The following RERE variants were observed in gnomAD, a reference collection of about 807,000 sequenced individuals.
The protein encoded by RERE is arginine-glutamic acid dipeptide repeats protein.
In RERE, 40 loss-of-function variants were observed where a neutral mutation model predicts 146.1. That is an observed-to-expected ratio of 0.27 (90% confidence interval 0.21 to 0.36). The LOEUF (loss-of-function observed/expected upper bound fraction) is 0.36, where lower values mean the gene tolerates loss of function less well. RERE is among the 10% of genes least tolerant of loss of function. The pLI is 1.00. For missense variants in RERE, 1,933 were observed against 2,138.7 expected (o/e 0.90, Z 1.90); for synonymous variants, 1,003 against 866.0 (o/e 1.16, Z -2.78).
intron 4 of RERE, among the ~76,000 whole-genome samples, chr1:8,575,554 TATATA>T (rs1293197596): frequency 0.11 from 9,003 of 83,366 alleles, 420 homozygotes; most frequent in Middle Eastern, 0.2. Context: ...TATATATATA[TATATA>T]TATTTTTTTT....
chr1:8,712,232 G>A (rs1407001752), intron 1 of RERE, among the ~76,000 whole-genome samples: 1 of 152,236 alleles, frequency 6.6e-6, no homozygotes, highest in Non-Finnish European at 1.5e-5. Context: ...GGGATTAGAA[G>A]TGAGTGAGAC....
intron 7 of RERE, among the ~76,000 whole-genome samples, chr1:8,516,667 C>G (rs1447329429): frequency 6.6e-6 from 1 of 152,182 alleles, no homozygotes; most frequent in Non-Finnish European, 1.5e-5. Flanking sequence ...CTCTCAATCA[C>G]ACTCCCATAT....
intron 1 of RERE, among the ~76,000 whole-genome samples, chr1:8,697,397 T>C (rs1307529134): frequency 2.4e-5 from 2 of 83,482 alleles, no homozygotes; most frequent in Non-Finnish European, 4.2e-5. Context: ...CCCACACAAC[T>C]TTTTTTTTTT....
At chr1:8,523,820 C>T (rs188373186) in intron 7 of RERE, among the ~76,000 whole-genome samples, 2 of 152,352 alleles carry the variant, frequency 1.3e-5, no homozygotes, top group East Asian at 3.9e-4. Flanking sequence ...CCCACACAGG[C>T]CAGCCACACC....
At chr1:8,455,332 T>TGG (rs1644441689) in intron 11 of RERE, among the ~76,000 whole-genome samples, 1 of 152,106 alleles carries the variant, frequency 6.6e-6, no homozygotes, top group South Asian at 2.1e-4. Context: ...ATTCCTGAAC[T>TGG]GGGGGAACAG....
At chr1:8,447,262 T>G (rs1644334731) in intron 11 of RERE, among the ~76,000 whole-genome samples, 1 of 152,024 alleles carries the variant, frequency 6.6e-6, no homozygotes, top group South Asian at 2.1e-4. Flanking sequence ...TCGGAGGAGT[T>G]TGTTATTACC....
At chr1:8,579,938 A>G (rs1264281768) in intron 4 of RERE, among the ~76,000 whole-genome samples, 2 of 152,362 alleles carry the variant, frequency 1.3e-5, no homozygotes, top group South Asian at 2.1e-4. Context: ...TGGGAGGTGG[A>G]GGTTGCAGTG....
chr1:8,701,199 T>C (rs1222740531), intron 1 of RERE, among the ~76,000 whole-genome samples: 1 of 151,832 alleles, frequency 6.6e-6, no homozygotes, highest in Non-Finnish European at 1.5e-5. Flanking sequence ...TTGATGGGGT[T>C]TACCATCACA....
intron 7 of RERE, among the ~76,000 whole-genome samples, chr1:8,527,881 A>G (rs1289153638): frequency 6.6e-6 from 1 of 152,150 alleles, no homozygotes; most frequent in African/African-American, 2.4e-5. Flanking sequence ...CACTACCACC[A>G]TGCCAGCCAG....
intron 1 of RERE, among the ~76,000 whole-genome samples, chr1:8,814,280 A>G (rs1211303529): frequency 2.6e-5 from 4 of 152,324 alleles, no homozygotes; most frequent in African/African-American, 9.6e-5. Context: ...AACCTCTCTA[A>G]TAGTTCATTA....
intron 7 of RERE, among the ~76,000 whole-genome samples, chr1:8,520,668 T>C (rs1645481247): frequency 6.7e-6 from 1 of 150,198 alleles, no homozygotes; most frequent in African/African-American, 2.5e-5. Context: ...TAGGGAACTT[T>C]ACTGTAATGG....
At position 8,498,732 on chromosome 1, in the gene RERE, T is replaced by TATACACACACACACACACACAC. The variant is rs150497092; in HGVS notation, c.880-1204_880-1203insGTGTGTGTGTGTGTGTGTGTAT. 1.8e-4 allele frequency among the ~76,000 whole-genome samples: 19 copies of TATACACACACACACACACACAC among 107,830 alleles called. 1 individual carries two copies. Among genetic ancestry groups the TATACACACACACACACACACAC allele is most frequent in the African/African-American group, 5.3e-4 (14 of 26,536 alleles). 70.7% of individuals were successfully genotyped at this position (107,830 alleles called of 152,430 possible). A position where few individuals can be genotyped will look rare whatever the true frequency, so the allele number is the denominator to read the frequency against. On this transcript the variant is annotated intron_variant, in intron 8 of 22. Coordinates refer to ENST00000400908, the MANE Select transcript of RERE (RefSeq NM_001042681.2). ...AAATAAAAAAAAAAAAATAAATATA[T>TATACACACACACACACACACAC]ACACACACACACACACACACACACA...
At chr1:8,585,593 T>A (rs1314398001) in intron 4 of RERE, among the ~76,000 whole-genome samples, 2 of 152,182 alleles carry the variant, frequency 1.3e-5, no homozygotes, top group Admixed American at 6.5e-5. Context: ...TATCAAAGAT[T>A]CCCAGGATCA....
Position 8,358,645 on chromosome 1 carries a change from G to A in RERE, c.3890C>T (p.Pro1297Leu). The change falls in exon 20 of 23, where the codon CCC becomes CTC. Residue 1297 changes from proline to leucine, a missense_variant. Physicochemically the swap from Pro to Leu is moderately conservative, Grantham distance 98 (BLOSUM62 -3). Transcript: ENST00000400908. ...CCGGAGCTCCCGCTCGCGGATGGTGGGGTCGACGTTGTAGAGGCCAGGCAT... is the reference window on the plus strand; with the variant it reads ...CCGGAGCTCCCGCTCGCGGATGGTGAGGTCGACGTTGTAGAGGCCAGGCAT... ...YHMPGLYNVD[P>L]TIRERELRER... 2 of 1,585,300 alleles carry A rather than the reference G, an allele frequency of 1.3e-6. No homozygotes were observed. The highest frequency in any genetic ancestry group is 1.7e-6 in the Non-Finnish European group (2 of 1,165,916).
At chr1:8,791,814 T>G (rs1472809363) in intron 1 of RERE, among the ~76,000 whole-genome samples, 1 of 151,626 alleles carries the variant, frequency 6.6e-6, no homozygotes, top group African/African-American at 2.4e-5. Context: ...CCTATAACTC[T>G]TTAAGAGTCA....
chr1:8,487,731 T>C (rs868713065), intron 10 of RERE, among the ~76,000 whole-genome samples: 29 of 151,884 alleles, frequency 1.9e-4, no homozygotes, highest in Admixed American at 1.2e-3. Flanking sequence ...ATAAAACACA[T>C]AGATCATAAA....
In RERE at chr1:8,419,127, T is replaced by C. The variant is rs572647852; in HGVS notation, c.1284+3600A>G. ...CATATTGAGGGGAGGTAAATGGTTA[T>C]AGAGAAACAGAGAATGGGAAAAAGT... On this transcript the variant is annotated intron_variant, in intron 12 of 22. Coordinates refer to ENST00000400908, the MANE Select transcript of RERE (RefSeq NM_001042681.2). Among the ~76,000 whole-genome samples the C allele has an allele frequency of 1.6e-3, 240 of 152,340 alleles. 3 individuals carry two copies. The South Asian group carries it at 0.03, about 19-fold the overall frequency.
At chr1:8,498,732 T>TATATACACACACACACACACAC (rs150497092) in intron 8 of RERE, among the ~76,000 whole-genome samples, 1 of 107,836 alleles carries the variant, frequency 9.3e-6, no homozygotes, top group Non-Finnish European at 1.8e-5. Context: ...AATAAATATA[T>TATATACACACACACACACACAC]ACACACACAC....
intron 1 of RERE, among the ~76,000 whole-genome samples, chr1:8,757,889 T>C (rs1308466471): frequency 7.9e-6 from 1 of 125,870 alleles, no homozygotes; most frequent in East Asian, 2.4e-4. Context: ...CATACATATG[T>C]ATACACACAC....
Sources: gnomAD v4.1 joint callset for allele counts (sites outside exome capture counted in the v4.1 genomes callset) on GRCh38, gnomAD v4.1.1 for gene constraint, MANE v1.5 for transcripts, NCBI Gene and HGNC (gene_info 2026-07-23, HGNC 2026-07-21) for gene names.